SHANK2: variants seen among roughly 807,000 people sequenced by gnomAD.
SHANK2 encodes SH3 and multiple ankyrin repeat domains 2, also known as SH3 and multiple ankyrin repeat domains protein 2.
In SHANK2, 43 loss-of-function variants were observed where a neutral mutation model predicts 133.7. The observed-to-expected ratio is 0.32, with a 90% CI of 0.25 to 0.41. The LOEUF is 0.41. SHANK2 is among the 10% of genes least tolerant of loss of function. SHANK2 has a pLI of 1.00. For missense variants in SHANK2, 1,994 were observed against 2,235.8 expected, an observed-to-expected ratio of 0.89 and a Z score of 2.18; for synonymous variants, 1,017 against 952.8, an observed-to-expected ratio of 1.07 and a Z score of -1.24.
In SHANK2 at chr11:70,468,964, T is replaced by A. The variant is rs1555147776; in HGVS notation, c.*3905A>T. On this transcript the variant is annotated 3_prime_UTR_variant, in exon 26 of 26. Transcript: ENST00000601538. The stretch of plus-strand genomic sequence containing the variant: ...ACAAATTCTCTCTTGCTCCAAGCCT[T>A]AGCATGTGGTTTGCTTGTCAACCAG... 2 of 152,244 alleles carry A rather than the reference T, an allele frequency of 1.3e-5. No homozygotes were observed. 9.4% of individuals were successfully genotyped at this position (152,244 alleles called of 1,614,324 possible). A position where few individuals can be genotyped will look rare whatever the true frequency, so the allele number is the denominator to read the frequency against.
intron 10 of SHANK2, among the ~76,000 whole-genome samples, chr11:70,945,006 C>G (rs1950702986): frequency 6.6e-6 from 1 of 152,134 alleles, no homozygotes; most frequent in South Asian, 2.1e-4. Context: ...CCTTCTGTTC[C>G]CCAAATTGTC....
intron 17 of SHANK2, among the ~76,000 whole-genome samples, chr11:70,605,999 A>AT (rs1379465756): frequency 6.6e-6 from 1 of 152,140 alleles, no homozygotes; most frequent in Non-Finnish European, 1.5e-5. Context: ...TCAGTTAAGA[A>AT]TCCTGGGGAA....
At chr11:71,150,440 G>A (rs1251513221) in intron 2 of SHANK2, among the ~76,000 whole-genome samples, 3 of 151,110 alleles carry the variant, frequency 2.0e-5, no homozygotes, top group African/African-American at 7.3e-5. Context: ...GGAAGGAAAT[G>A]ATAAGAAGGA....
intron 17 of SHANK2, among the ~76,000 whole-genome samples, chr11:70,532,041 G>A (rs570162602): frequency 1.3e-5 from 2 of 152,176 alleles, no homozygotes; most frequent in African/African-American, 4.8e-5. Context: ...CTCCAACCTG[G>A]GCTTCTTCCC....
intron 10 of SHANK2, among the ~76,000 whole-genome samples, chr11:70,932,588 T>C (rs1227355748): frequency 6.6e-6 from 1 of 152,092 alleles, no homozygotes; most frequent in Non-Finnish European, 1.5e-5. Flanking sequence ...ATTGTGTGAG[T>C]AGAGATCCAC....
rs1202286730 is a variant in SHANK2, at chr11:70,471,069, GTT to G, written c.*1798_*1799del. On this transcript the variant is annotated 3_prime_UTR_variant, in exon 26 of 26. Coordinates refer to ENST00000601538, the MANE Select transcript of SHANK2 (RefSeq NM_012309.5). The surrounding 1 kb of genome is among the most constrained non-coding windows in gnomAD (Gnocchi z 4.1). ...GAAATAGTATTATTAAATCACAAAA[GTT>G]TTTTTTTCTTTAACTTTCTAGCACT... The G allele has an allele frequency of 5.2e-6, 2 of 381,558 alleles. No individual in the cohort carries two copies. The highest frequency in any genetic ancestry group is 9.3e-6 in the Non-Finnish European group (2 of 216,144). 23.6% of individuals were successfully genotyped at this position (381,558 alleles called of 1,614,324 possible).
chr11:70,532,638 G>GAAAAA (rs553345723), intron 17 of SHANK2, among the ~76,000 whole-genome samples: 10 of 133,446 alleles, frequency 7.5e-5, no homozygotes, highest in Non-Finnish European at 1.5e-4. Context: ...ATTGTCCATG[G>GAAAAA]AAAAAAAAAA....
intron 10 of SHANK2, among the ~76,000 whole-genome samples, chr11:70,919,394 T>C (rs2135754646): frequency 6.6e-6 from 1 of 152,184 alleles, no homozygotes; most frequent in South Asian, 2.1e-4. Context: ...TTAACTCTTT[T>C]TTTTTGAGAC....
At chr11:70,478,663 G>A (rs567639209) in intron 25 of SHANK2, among the ~76,000 whole-genome samples, 17 of 152,346 alleles carry the variant, frequency 1.1e-4, no homozygotes, top group Admixed American at 3.3e-4. Flanking sequence ...GTTATGTTGT[G>A]TCTCAGCAGC....
At chr11:71,120,234 C>T (rs556991488) in intron 3 of SHANK2, among the ~76,000 whole-genome samples, 1 of 152,292 alleles carries the variant, frequency 6.6e-6, no homozygotes, top group African/African-American at 2.4e-5. Flanking sequence ...AAGGCAAAGG[C>T]CAGGCAAATC....
chr11:70,905,890 C>T (rs945391952), intron 10 of SHANK2, among the ~76,000 whole-genome samples: 1 of 151,246 alleles, frequency 6.6e-6, no homozygotes, highest in East Asian at 1.9e-4. Context: ...CCAGTCACTG[C>T]AGCCTCTGCC....
At chr11:70,552,158 GAAT>G (rs2059778551) in intron 17 of SHANK2, among the ~76,000 whole-genome samples, 1 of 152,228 alleles carries the variant, frequency 6.6e-6, no homozygotes, top group East Asian at 1.9e-4. Context: ...CGGCTTTGAA[GAAT>G]AATATGAGTA....
intron 14 of SHANK2, among the ~76,000 whole-genome samples, chr11:70,726,133 G>A (rs1032317407): frequency 6.6e-5 from 10 of 152,088 alleles, no homozygotes; most frequent in African/African-American, 1.9e-4. Flanking sequence ...CTACTTCCCC[G>A]CTTTAGGGAT....
At chr11:70,706,096 GCTCCCTGGCTCATCTCCCACCGCT>G (rs1555024848) in intron 14 of SHANK2, 2 of 153,702 alleles carry the variant, frequency 1.3e-5, no homozygotes, top group Admixed American at 6.6e-5. Flanking sequence ...GGCCCTGCCT[GCTCCCTGGCTCATCTCCCACCGCT>G]CTCCCCTCCT....
chr11:71,093,337 G>A (rs1156333960), intron 7 of SHANK2, among the ~76,000 whole-genome samples: 3 of 152,126 alleles, frequency 2.0e-5, no homozygotes, highest in East Asian at 1.9e-4. Context: ...AGCAAGCATC[G>A]CGTCTTCAAG....
intron 6 of SHANK2, among the ~76,000 whole-genome samples, chr11:71,097,907 T>C (rs1380072522): frequency 6.6e-6 from 1 of 151,476 alleles, no homozygotes; most frequent in Non-Finnish European, 1.5e-5. Flanking sequence ...GCTGTGTGTA[T>C]GCACACCTAT....
At chr11:71,105,322 G>C (rs1951785112) in intron 6 of SHANK2, among the ~76,000 whole-genome samples, 1 of 152,138 alleles carries the variant, frequency 6.6e-6, no homozygotes, top group African/African-American at 2.4e-5. Context: ...GTTGAGTGCG[G>C]TGGCTCACAC....
chr11:70,864,607 AC>A, intron 11 of SHANK2: 1 of 152,164 alleles, frequency 6.6e-6, no homozygotes, highest in Non-Finnish European at 1.5e-5. Flanking sequence ...GTTTGTGCCA[AC>A]CCCCCAAATT....
intron 10 of SHANK2, among the ~76,000 whole-genome samples, chr11:70,902,120 G>A (rs1555076893): frequency 6.6e-6 from 1 of 152,226 alleles, no homozygotes; most frequent in African/African-American, 2.4e-5. Context: ...TGGGCAGCCA[G>A]TTCTGTGCCA....
Sources: gnomAD v4.1 joint callset for allele counts (sites outside exome capture counted in the v4.1 genomes callset) on GRCh38, gnomAD v4.1.1 for gene constraint, Gnocchi (gnomAD v3.1) non-coding constraint, MANE v1.5 for transcripts, NCBI Gene and HGNC (gene_info 2026-07-23, HGNC 2026-07-21) for gene names.